Variants in CAMK4 observed in about 807,000 individuals in gnomAD.
CAMK4 encodes the protein calcium/calmodulin-dependent protein kinase type IV.
Under a neutral mutation model 44.9 loss-of-function variants are expected in CAMK4, and 22 were observed. That is an observed-to-expected ratio of 0.49 (90% CI 0.35 to 0.70). The LOEUF is 0.70. CAMK4 is among the 30% of genes least tolerant of loss of function. The probability of loss-of-function intolerance (pLI) is 0.01; values close to 1 mark genes in which losing one functional copy is unlikely to be tolerated. For missense variants in CAMK4, 498 were observed against 586.8 expected (o/e 0.85, Z 1.56); for synonymous variants, 218 against 215.4 (o/e 1.01, Z -0.11).
intron 7 of CAMK4, among the ~76,000 whole-genome samples, chr5:111,453,174 G>T (rs1200902346): frequency 6.6e-6 from 1 of 152,154 alleles, no homozygotes; most frequent in East Asian, 1.9e-4. Flanking sequence ...GAGCCAAAGA[G>T]GGGGTAGGAT....
intron 1 of CAMK4, among the ~76,000 whole-genome samples, chr5:111,308,174 G>A (rs1245401515): frequency 1.3e-4 from 18 of 137,028 alleles, no homozygotes; most frequent in Non-Finnish European, 2.3e-4. Context: ...TGGGTGCAGC[G>A]CACCAGCATG....
intron 7 of CAMK4, among the ~76,000 whole-genome samples, chr5:111,463,456 T>C (rs563073269): frequency 5.3e-5 from 8 of 152,326 alleles, no homozygotes; most frequent in African/African-American, 1.7e-4. Flanking sequence ...CTCTAGGCTC[T>C]ACCTACCACC....
chr5:111,360,522 C>A (rs545022124), intron 2 of CAMK4, among the ~76,000 whole-genome samples: 102 of 152,204 alleles, frequency 6.7e-4, no homozygotes, highest in Non-Finnish European at 1.2e-3. Flanking sequence ...CCACCATATC[C>A]TTTGAAACCG....
chr5:111,328,571 G>C (rs1394494471), intron 1 of CAMK4, among the ~76,000 whole-genome samples: 2 of 152,030 alleles, frequency 1.3e-5, no homozygotes, highest in Non-Finnish European at 2.9e-5. Flanking sequence ...GCTTGATGGG[G>C]ATGGCATTGA....
chr5:111,425,240 T>C (rs1753183461), intron 5 of CAMK4, among the ~76,000 whole-genome samples: 1 of 152,230 alleles, frequency 6.6e-6, no homozygotes, highest in Middle Eastern at 3.2e-3. Flanking sequence ...TTTAAATCTT[T>C]GTAGCCAATT....
intron 1 of CAMK4, among the ~76,000 whole-genome samples, chr5:111,326,264 AG>A (rs1380392800): frequency 9.2e-5 from 14 of 152,020 alleles, no homozygotes; most frequent in Non-Finnish European, 8.8e-5. Context: ...TAGGGATAAA[AG>A]GGAATATCTC....
At chr5:111,291,574 A>T (rs1125419) in intron 1 of CAMK4, among the ~76,000 whole-genome samples, 77,785 of 152,132 alleles carry the variant, frequency 0.51, 21,680 homozygotes, top group Non-Finnish European at 0.63. Flanking sequence ...GCTGGAGTGT[A>T]GTAGCATTAT....
At chr5:111,344,660 G>T (rs904286010) in intron 2 of CAMK4, among the ~76,000 whole-genome samples, 2 of 151,682 alleles carry the variant, frequency 1.3e-5, no homozygotes, top group Non-Finnish European at 2.9e-5. Flanking sequence ...TGCTCATCTA[G>T]AAGTTTGTAC....
chr5:111,406,359 G>A (rs1174872664), intron 5 of CAMK4, among the ~76,000 whole-genome samples: 1 of 151,966 alleles, frequency 6.6e-6, no homozygotes, highest in Non-Finnish European at 1.5e-5. Context: ...GAGTAGCTGG[G>A]ACTACAGGTG....
chr5:111,324,955 A>C (rs1381421990), intron 1 of CAMK4, among the ~76,000 whole-genome samples: 2 of 151,780 alleles, frequency 1.3e-5, no homozygotes, highest in Non-Finnish European at 2.9e-5. Context: ...TCTATGTTTT[A>C]AGCCCCGCGT....
rs1406189268 is a variant in CAMK4, at chr5:111,228,794, T to G, written c.161+4150T>G. Among the ~76,000 whole-genome samples, 8 of 152,256 alleles carry G rather than the reference T, an allele frequency of 5.3e-5. No individual in the cohort carries two copies. In the East Asian group the frequency reaches 1.5e-3, roughly 29 times the overall value. On this transcript the variant is annotated intron_variant, in intron 1 of 10. Coordinates refer to ENST00000282356, the MANE Select transcript of CAMK4 (RefSeq NM_001744.6). ...TTTAAAGAAATTCCCTGCAGACCAA[T>G]TGGCAACATTGGGTGGTATCCTTTT...
In CAMK4 at chr5:111,290,385, G is replaced by T. The variant is rs559860487; in HGVS notation, c.162-53639G>T. On this transcript the variant is annotated intron_variant, in intron 1 of 10. Transcript: ENST00000282356. This position sits in a 1 kb window ranked among gnomAD's most constrained non-coding sequence, Gnocchi z 4.5. ...TGAGGCAAAATTATTATGAAGTATAGTTAGGGAATTATACTTCATTAGGGA... is the reference window on the plus strand; with the variant it reads ...TGAGGCAAAATTATTATGAAGTATATTTAGGGAATTATACTTCATTAGGGA... Among the ~76,000 whole-genome samples, 21 of 152,312 alleles carry T rather than the reference G, an allele frequency of 1.4e-4. 1 individual carries two copies. The South Asian group carries it at 3.7e-3, about 27-fold the overall frequency.
intron 5 of CAMK4, among the ~76,000 whole-genome samples, chr5:111,423,909 C>A (rs532215780): frequency 6.6e-6 from 1 of 152,256 alleles, no homozygotes; most frequent in Non-Finnish European, 1.5e-5. Flanking sequence ...ATCTTTACAC[C>A]AATAAGGCTA....
intron 2 of CAMK4, among the ~76,000 whole-genome samples, chr5:111,366,008 A>G (rs1220191428): frequency 1.3e-5 from 2 of 152,158 alleles, no homozygotes; most frequent in African/African-American, 4.8e-5. Flanking sequence ...GTTAGTGCCA[A>G]CATATACTTG....
intron 4 of CAMK4, among the ~76,000 whole-genome samples, chr5:111,384,629 A>G (rs572712927): frequency 6.6e-6 from 1 of 152,100 alleles, no homozygotes; most frequent in Non-Finnish European, 1.5e-5. Context: ...ACTAATCAAC[A>G]TGAATTTCTC....
At chr5:111,432,121 T>C (rs1392370466) in intron 5 of CAMK4, among the ~76,000 whole-genome samples, 3 of 152,104 alleles carry the variant, frequency 2.0e-5, no homozygotes, top group South Asian at 2.1e-4. Flanking sequence ...TATCAACAGA[T>C]GACTGGATAA....
intron 9 of CAMK4, among the ~76,000 whole-genome samples, chr5:111,479,550 C>G (rs1231701800): frequency 6.6e-6 from 1 of 152,106 alleles, no homozygotes; most frequent in East Asian, 1.9e-4. Flanking sequence ...GCATCTAGTC[C>G]TCCTCTCATT....
intron 2 of CAMK4, among the ~76,000 whole-genome samples, chr5:111,357,147 A>T (rs1292138939): frequency 6.6e-6 from 1 of 152,150 alleles, no homozygotes; most frequent in Non-Finnish European, 1.5e-5. Flanking sequence ...TGGAGCAGAA[A>T]AAGGAGATAT....
At chr5:111,254,004 G>T (rs1353898062) in intron 1 of CAMK4, among the ~76,000 whole-genome samples, 1 of 152,026 alleles carries the variant, frequency 6.6e-6, no homozygotes, top group Non-Finnish European at 1.5e-5. Context: ...ATCTTTTTGT[G>T]TGCAGAAATA....
Sources: allele counts gnomAD v4.1 joint callset (sites outside exome capture counted in the v4.1 genomes callset), GRCh38; gene constraint gnomAD v4.1.1; non-coding constraint Gnocchi (gnomAD v3.1); transcripts MANE v1.5; gene names NCBI Gene and HGNC (gene_info 2026-07-23, HGNC 2026-07-21).